The following CDK5RAP2 variants were observed in gnomAD, a reference collection of about 807,000 sequenced individuals.
CDK5RAP2 encodes CDK5 regulatory subunit-associated protein 2.
CDK5RAP2 carries 147 observed loss-of-function variants against 232.9 expected under a neutral mutation model. The ratio of observed to expected loss-of-function variants is 0.63; its 90% CI spans 0.55 to 0.72. CDK5RAP2 has a LOEUF of 0.72. Among genes scored for constraint, CDK5RAP2 ranks in the 30% least tolerant of loss-of-function variants. The probability of loss-of-function intolerance (pLI) is 0.00; values close to 1 mark genes in which losing one functional copy is unlikely to be tolerated. For synonymous variants in CDK5RAP2, 833 were observed against 833.7 expected (o/e 1.00, Z 0.01); for missense variants, 2,195 against 2,231.5 (o/e 0.98, Z 0.33).
intron 12 of CDK5RAP2, among the ~76,000 whole-genome samples, chr9:120,494,464 G>GT (rs1427805894): frequency 1.3e-5 from 2 of 152,222 alleles, no homozygotes; most frequent in African/African-American, 2.4e-5. Flanking sequence ...GAGGAGTCAT[G>GT]TTGAAAAGGC....
Position 120,389,258 on chromosome 9 carries a change from C to A in CDK5RAP2, c.5660G>T (p.Ser1887Ile). 6.2e-7 allele frequency: 1 copy of A among 1,612,970 alleles called. No homozygotes were observed. The highest frequency in any genetic ancestry group is 8.5e-7 in the Non-Finnish European group (1 of 1,179,480). The stretch of plus-strand genomic sequence containing the variant: ...TTCTCAGGAGCCTGGTCTGCTGGGA[C>A]TGCATGTTCCTGGATGGGCTCCCCC... ...RPGGAHPGTC[S>I]PSRPGS Residue 1887 changes from serine to isoleucine, a missense_variant, in exon 38 of 38, where the codon AGT (serine) becomes ATT (isoleucine). Physicochemically the swap from Ser to Ile is moderately radical, Grantham distance 142 (BLOSUM62 -2). Transcript: ENST00000349780.
At chr9:120,470,552 T>C (rs559949449) in intron 16 of CDK5RAP2, among the ~76,000 whole-genome samples, 37 of 152,302 alleles carry the variant, frequency 2.4e-4, no homozygotes, top group African/African-American at 8.7e-4. Flanking sequence ...GATTTCAGTT[T>C]AAATGAGGGA....
In CDK5RAP2 at chr9:120,528,472, C is replaced by T. The variant is rs115921443; in HGVS notation, c.879+272G>A. 3.0e-3 allele frequency among the ~76,000 whole-genome samples: 453 copies of T among 152,304 alleles called. 2 individuals carry two copies. Among genetic ancestry groups the T allele is most frequent in the African/African-American group, 9.9e-3 (411 of 41,568 alleles). ...GCACATGGGCAGGTCCAAATCTTTG[C>T]TCTATCTCTTCCTAGCTATGTGCTC... is the stretch of plus-strand genomic sequence containing the variant. On this transcript the variant is annotated intron_variant, in intron 9 of 37. Transcript: ENST00000349780.
intron 29 of CDK5RAP2, among the ~76,000 whole-genome samples, chr9:120,410,145 G>T (rs1428240589): frequency 5.3e-5 from 8 of 152,162 alleles, no homozygotes; most frequent in Admixed American, 1.3e-4. Context: ...CCGTTTTCCA[G>T]ATAAGAGACT....
In CDK5RAP2 at chr9:120,453,548, T is replaced by A; in HGVS notation, c.2701A>T (p.Thr901Ser). 1 of 1,614,146 alleles carries A rather than the reference T, an allele frequency of 6.2e-7. No individual in the cohort carries two copies. Among genetic ancestry groups the A allele is most frequent in the South Asian group, 1.1e-5 (1 of 91,082 alleles). Residue 901 changes from threonine (T) to serine (S), a missense_variant, in exon 21 of 38, where the codon ACT (threonine) becomes TCT (serine). Physicochemically the swap from Thr to Ser is moderately conservative, Grantham distance 58 (BLOSUM62 1). Transcript: ENST00000349780. Reference protein sequence around the residue: ...REAWEEKPINTALSAEHRPEN... With the variant: ...REAWEEKPINSALSAEHRPEN... ...GGCCGATGCTCTGCGCTGAGTGCAG[T>A]GTTGATCGGTTTCTCTTCCCAAGCC...
At position 120,537,530 on chromosome 9, in the gene CDK5RAP2, G is replaced by A. The variant is rs146902613; in HGVS notation, c.508-1004C>T. Among the ~76,000 whole-genome samples, 85 of 152,184 alleles carry A rather than the reference G, an allele frequency of 5.6e-4. No homozygotes were observed. In the East Asian group the frequency reaches 8.1e-3, roughly 15 times the overall value. Reference sequence around the variant, plus strand: ...AGGCTCTGAGCAAGGAGCTTCATTCGTATTATCTCCCATCTGCATCCAACC... The same window carrying A: ...AGGCTCTGAGCAAGGAGCTTCATTCATATTATCTCCCATCTGCATCCAACC... On this transcript the variant is annotated intron_variant, in intron 6 of 37. Transcript: ENST00000349780.
chr9:120,570,776 T>C (rs1395251542), intron 2 of CDK5RAP2, among the ~76,000 whole-genome samples: 1 of 150,746 alleles, frequency 6.6e-6, no homozygotes, highest in Non-Finnish European at 1.5e-5. Context: ...GAGGCGGAGG[T>C]TGCAGTGAGC....
intron 25 of CDK5RAP2, 122 bp downstream of exon 25, chr9:120,437,173 C>T (rs1004589071): frequency 1.3e-6 from 1 of 750,594 alleles, no homozygotes; most frequent in Non-Finnish European, 2.4e-6. Context: ...TCTGCTGTCA[C>T]CTCATCAAGG....
At chr9:120,450,406 T>C (rs1287925429) in intron 21 of CDK5RAP2, among the ~76,000 whole-genome samples, 1 of 152,184 alleles carries the variant, frequency 6.6e-6, no homozygotes, top group Non-Finnish European at 1.5e-5. Context: ...AAGGTTTCTT[T>C]TGGGATGATG....
chr9:120,487,538 A>G (rs1274390179), intron 13 of CDK5RAP2, 101 bp from the exon 14 acceptor site: 6 of 837,700 alleles, frequency 7.2e-6, no homozygotes, highest in Non-Finnish European at 9.1e-6. Context: ...TTTTTTCATA[A>G]TACTCCTATA....
intron 25 of CDK5RAP2, among the ~76,000 whole-genome samples, chr9:120,424,945 C>G (rs1188776663): frequency 6.6e-6 from 1 of 152,122 alleles, no homozygotes; most frequent in East Asian, 1.9e-4. Flanking sequence ...GATCCACCTG[C>G]CTTGACCTCC....
chr9:120,446,945 G>T (rs553380276), intron 22 of CDK5RAP2, among the ~76,000 whole-genome samples: 16 of 152,072 alleles, frequency 1.1e-4, no homozygotes, highest in Admixed American at 5.9e-4. Flanking sequence ...ATTTTCTCAC[G>T]TTGTACATAT....
intron 11 of CDK5RAP2, among the ~76,000 whole-genome samples, chr9:120,521,503 G>A (rs1297711435): frequency 6.6e-6 from 1 of 152,026 alleles, no homozygotes; most frequent in Admixed American, 6.6e-5. Flanking sequence ...AAGTTCTGAT[G>A]GTCTTATAAA....
chr9:120,557,352 C>T (rs1027703441), intron 3 of CDK5RAP2, among the ~76,000 whole-genome samples: 3 of 152,170 alleles, frequency 2.0e-5, no homozygotes, highest in African/African-American at 7.2e-5. Flanking sequence ...GCTGGATACT[C>T]GGCTTTCTAC....
chr9:120,520,786 A>C (rs1293631891), intron 11 of CDK5RAP2, among the ~76,000 whole-genome samples: 3 of 146,394 alleles, frequency 2.0e-5, no homozygotes, highest in East Asian at 2.0e-4. Flanking sequence ...ATCTCATGAG[A>C]TATATCTCAT....
intron 25 of CDK5RAP2, among the ~76,000 whole-genome samples, chr9:120,424,072 T>C (rs1351244454): frequency 6.6e-6 from 1 of 152,162 alleles, no homozygotes; most frequent in Non-Finnish European, 1.5e-5. Context: ...CTCTTTAATA[T>C]CTACTATCTC....
In CDK5RAP2 at chr9:120,423,245, T is replaced by C. The variant is rs557118156; in HGVS notation, c.3956-504A>G. 5.3e-5 allele frequency among the ~76,000 whole-genome samples: 8 copies of C among 152,336 alleles called. No individual in the cohort carries two copies. In the South Asian group the frequency reaches 6.2e-4, roughly 12 times the overall value. Reference sequence around the variant, plus strand: ...TGCTTCCGAAACATCATTTTTAATGTCTGCGCTAATATTCCACTGTAGGCA... The same window carrying C: ...TGCTTCCGAAACATCATTTTTAATGCCTGCGCTAATATTCCACTGTAGGCA... On this transcript the variant is annotated intron_variant, in intron 25 of 37. Transcript: ENST00000349780.
chr9:120,449,898 C>G (rs559157954), intron 21 of CDK5RAP2, among the ~76,000 whole-genome samples: 1 of 152,284 alleles, frequency 6.6e-6, no homozygotes, highest in African/African-American at 2.4e-5. Context: ...AATTGGAACC[C>G]TCACACACTG....
In CDK5RAP2 at chr9:120,439,628, C is replaced by G. The variant is rs781229887; in HGVS notation, c.3493G>C (p.Asp1165His). Residue 1165 changes from aspartate to histidine, a missense_variant, in exon 24 of 38, where the codon GAT becomes CAT. By Grantham distance (81) the Asp-to-His change is moderately conservative (BLOSUM62 -1). Transcript: ENST00000349780. ...CTTGAAAAGGTCATTTCTTCCCCAT[C>G]AGAACCATTCTTGGGCTTGCTCAAG... ...DGLSKPKNGS[D>H]GEEMTFSSLH... The G allele has an allele frequency of 2.5e-6, 4 of 1,614,202 alleles. No homozygotes were observed. The highest frequency in any genetic ancestry group is 3.4e-6 in the Non-Finnish European group (4 of 1,180,046).
Sources: gnomAD v4.1 joint callset for allele counts (sites outside exome capture counted in the v4.1 genomes callset) on GRCh38, gnomAD v4.1.1 for gene constraint, MANE v1.5 for transcripts, NCBI Gene and HGNC (gene_info 2026-07-23, HGNC 2026-07-21) for gene names.